MSRA: variants seen among roughly 807,000 people sequenced by gnomAD.
MSRA encodes mitochondrial peptide methionine sulfoxide reductase.
A neutral mutation model predicts 31.3 loss-of-function variants in MSRA; 54 were observed. The observed-to-expected ratio is 1.73, with a 90% CI of 1.39 to 2.17. MSRA has a LOEUF of 2.17. MSRA is among the 30% of genes most tolerant of loss of function. The pLI, the probability that MSRA is intolerant of heterozygous loss-of-function variation, is 0.00. For synonymous variants in MSRA, 169 were observed against 116.5 expected, an observed-to-expected ratio of 1.45 and a Z score of -2.90; for missense variants, 507 against 300.9, an observed-to-expected ratio of 1.69 and a Z score of -5.07.
intron 5 of MSRA, among the ~76,000 whole-genome samples, chr8:10,389,745 T>C (rs1806615330): frequency 6.7e-6 from 1 of 150,060 alleles, no homozygotes; most frequent in Non-Finnish European, 1.5e-5. Context: ...GCTTGCTTTT[T>C]TTTTTTTTTT....
At chr8:10,416,179 C>T (rs923279333) in intron 5 of MSRA, among the ~76,000 whole-genome samples, 1 of 152,170 alleles carries the variant, frequency 6.6e-6, no homozygotes, top group Non-Finnish European at 1.5e-5. Flanking sequence ...GAGAGCACCT[C>T]GCGGGCAGGG....
intron 5 of MSRA, among the ~76,000 whole-genome samples, chr8:10,331,467 G>GC (rs1165234273): frequency 6.6e-6 from 1 of 152,194 alleles, no homozygotes; most frequent in African/African-American, 2.4e-5. Context: ...TCACACACAG[G>GC]CTAGGGCAGG....
chr8:10,287,236 G>T (rs938200612), intron 3 of MSRA, among the ~76,000 whole-genome samples: 1 of 152,146 alleles, frequency 6.6e-6, no homozygotes, highest in African/African-American at 2.4e-5. Flanking sequence ...AATGTTTATG[G>T]GGAGAAAGCA....
At chr8:10,388,665 C>G (rs1345078286) in intron 5 of MSRA, among the ~76,000 whole-genome samples, 1 of 152,146 alleles carries the variant, frequency 6.6e-6, no homozygotes, top group Non-Finnish European at 1.5e-5. Flanking sequence ...CCAAAGAACA[C>G]ACACAGTCCA....
At chr8:10,351,205 A>T (rs1476469573) in intron 5 of MSRA, among the ~76,000 whole-genome samples, 2 of 142,378 alleles carry the variant, frequency 1.4e-5, no homozygotes, top group Non-Finnish European at 3.0e-5. Context: ...TCCCAAAAAC[A>T]TCATGTAATG....
chr8:10,065,871 G>A (rs1257439861), intron 1 of MSRA, among the ~76,000 whole-genome samples: 1 of 151,944 alleles, frequency 6.6e-6, no homozygotes, highest in Non-Finnish European at 1.5e-5. Context: ...TTGTCCCAGT[G>A]GCGCTAAGAG....
intron 1 of MSRA, among the ~76,000 whole-genome samples, chr8:10,129,380 C>T (rs1330611336): frequency 2.0e-5 from 3 of 152,150 alleles, no homozygotes; most frequent in Non-Finnish European, 2.9e-5. Context: ...TTAAAGTCTA[C>T]ATCTTTCAGG....
At chr8:10,246,295 G>A (rs1265364464) in intron 3 of MSRA, among the ~76,000 whole-genome samples, 1 of 152,194 alleles carries the variant, frequency 6.6e-6, no homozygotes, top group African/African-American at 2.4e-5. Context: ...TAACAGGGTA[G>A]GCAGATGCCC....
At chr8:10,157,282 C>G (rs1332940866) in intron 1 of MSRA, among the ~76,000 whole-genome samples, 1 of 152,126 alleles carries the variant, frequency 6.6e-6, no homozygotes, top group African/African-American at 2.4e-5. Flanking sequence ...AAAGAAGACA[C>G]TAGCAATGGA....
At chr8:10,397,690 T>C (rs1807184492) in intron 5 of MSRA, among the ~76,000 whole-genome samples, 1 of 152,252 alleles carries the variant, frequency 6.6e-6, no homozygotes, top group South Asian at 2.1e-4. Flanking sequence ...GTCTTCTACC[T>C]TATTCATGCT....
intron 2 of MSRA, among the ~76,000 whole-genome samples, chr8:10,215,916 A>T (rs1311930477): frequency 6.6e-6 from 1 of 152,238 alleles, no homozygotes; most frequent in Admixed American, 6.5e-5. Flanking sequence ...ATTTCTACAG[A>T]GAAAATACAT....
chr8:10,158,271 T>C (rs1397982754), intron 1 of MSRA, among the ~76,000 whole-genome samples: 1 of 152,302 alleles, frequency 6.6e-6, no homozygotes, highest in East Asian at 1.9e-4. Context: ...AGCAAATGGG[T>C]ATGAACTGCA....
intron 5 of MSRA, among the ~76,000 whole-genome samples, chr8:10,322,395 T>G (rs998298000): frequency 2.6e-5 from 4 of 152,044 alleles, no homozygotes; most frequent in South Asian, 4.2e-4. Context: ...GGGAGGGATA[T>G]TTAGGAAGTA....
chr8:10,244,292 T>C (rs1797496233), intron 2 of MSRA, among the ~76,000 whole-genome samples: 1 of 152,092 alleles, frequency 6.6e-6, no homozygotes, highest in African/African-American at 2.4e-5. Flanking sequence ...AAAATGAAGG[T>C]TCTGTATTTG....
Position 10,227,914 on chromosome 8 carries a change from G to A in MSRA, c.212-17190G>A, listed in dbSNP as rs183837508. Among the ~76,000 whole-genome samples the A allele has an allele frequency of 6.8e-3, 1,029 of 151,670 alleles. 10 individuals are homozygous for A. Among genetic ancestry groups the A allele is most frequent in the African/African-American group, 0.024 (985 of 40,950 alleles). Reference sequence around the variant, plus strand: ...TAACATGATGTAGATTTTCAGAAAAGTAAAGAGCACAGAAGATAAATTGAA... The same window carrying A: ...TAACATGATGTAGATTTTCAGAAAAATAAAGAGCACAGAAGATAAATTGAA... On this transcript the variant is annotated intron_variant, in intron 2 of 5. Transcript: ENST00000317173.
intron 3 of MSRA, among the ~76,000 whole-genome samples, chr8:10,279,097 T>G (rs950457826): frequency 4.6e-5 from 7 of 152,216 alleles, no homozygotes; most frequent in African/African-American, 1.7e-4. Flanking sequence ...CCTACCATAA[T>G]TTTTACCAGG....
chr8:10,220,880 G>C (rs1810435061), intron 2 of MSRA, among the ~76,000 whole-genome samples: 1 of 152,216 alleles, frequency 6.6e-6, no homozygotes, highest in East Asian at 1.9e-4. Flanking sequence ...GGACTGGGGA[G>C]GGTCGTCTGG....
chr8:10,239,568 A>G (rs1812231590), intron 2 of MSRA, among the ~76,000 whole-genome samples: 1 of 152,214 alleles, frequency 6.6e-6, no homozygotes, highest in Admixed American at 6.5e-5. Context: ...TGCTTATAGG[A>G]CGATTGTACC....
At chr8:10,238,327 G>T (rs1193005231) in intron 2 of MSRA, among the ~76,000 whole-genome samples, 1 of 152,130 alleles carries the variant, frequency 6.6e-6, no homozygotes, top group African/African-American at 2.4e-5. Context: ...TCTCTGACCT[G>T]CTCTGCTTTT....
Sources: allele counts gnomAD v4.1 joint callset (sites outside exome capture counted in the v4.1 genomes callset), GRCh38; gene constraint gnomAD v4.1.1; transcripts MANE v1.5; gene names NCBI Gene and HGNC (gene_info 2026-07-23, HGNC 2026-07-21).